Variants in GRB14 observed in about 807,000 individuals in gnomAD.
GRB14 encodes the protein growth factor receptor bound protein 14, also known as growth factor receptor-bound protein 14.
GRB14 carries 38 observed loss-of-function variants against 69.1 expected under a neutral mutation model. The observed-to-expected ratio is 0.55, with a 90% CI of 0.42 to 0.72. GRB14 has a LOEUF of 0.72. Among genes scored for constraint, GRB14 ranks in the 30% least tolerant of loss-of-function variants. GRB14 has a pLI of 0.00. For missense variants in GRB14, 666 were observed against 666.1 expected, an observed-to-expected ratio of 1.00 and a Z score of 0.00; for synonymous variants, 247 against 241.3, an observed-to-expected ratio of 1.02 and a Z score of -0.22.
chr2:164,539,245 C>A (rs1471502754), intron 3 of GRB14, among the ~76,000 whole-genome samples: 1 of 152,082 alleles, frequency 6.6e-6, no homozygotes, highest in African/African-American at 2.4e-5. Context: ...GAGGCCAAGG[C>A]AGATGGATCA....
intron 2 of GRB14, among the ~76,000 whole-genome samples, chr2:164,548,037 C>A (rs930506061): frequency 6.6e-6 from 1 of 152,168 alleles, no homozygotes; most frequent in Admixed American, 6.5e-5. Flanking sequence ...ACTCATTTCT[C>A]AAAATTCCAA....
chr2:164,607,527 A>C (rs1379933518), intron 2 of GRB14, among the ~76,000 whole-genome samples: 1 of 152,222 alleles, frequency 6.6e-6, no homozygotes, highest in Non-Finnish European at 1.5e-5. Context: ...AAGAGGAAGC[A>C]CACAGGTGGT....
intron 2 of GRB14, among the ~76,000 whole-genome samples, chr2:164,553,241 G>A (rs1688591097): frequency 1.3e-5 from 2 of 152,112 alleles, no homozygotes; most frequent in South Asian, 4.1e-4. Context: ...GGTAAAGTTG[G>A]ATAAAATGAG....
chr2:164,533,442 G>C (rs1248722740), intron 3 of GRB14, among the ~76,000 whole-genome samples: 1 of 151,556 alleles, frequency 6.6e-6, no homozygotes, highest in Admixed American at 6.6e-5. Context: ...CCATGGTCTT[G>C]ATCTCTTGAC....
At position 164,524,855 on chromosome 2, in the gene GRB14, G is replaced by GC. The variant is rs1252486803; in HGVS notation, c.678+148dup. 5.7e-6 allele frequency: 3 copies of GC among 529,788 alleles called. No homozygotes were observed. In the African/African-American group the frequency reaches 6.1e-5, roughly 11 times the overall value. 32.8% of individuals were successfully genotyped at this position (529,788 alleles called of 1,614,324 possible). A position where few individuals can be genotyped will look rare whatever the true frequency, so the allele number is the denominator to read the frequency against. On this transcript the variant is annotated intron_variant, in intron 5 of 13. Coordinates refer to ENST00000263915, the MANE Select transcript of GRB14 (RefSeq NM_004490.3). ...GATTTAGGACATTCTTTGCCTGGGT[G>GC]CATTTTTTTTTTAGTTTTACCTCCA...
At chr2:164,529,809 C>T (rs1268232538) in intron 3 of GRB14, among the ~76,000 whole-genome samples, 4 of 152,168 alleles carry the variant, frequency 2.6e-5, no homozygotes, top group Non-Finnish European at 4.4e-5. Flanking sequence ...TGAATGTGAA[C>T]CCTGCCCAAA....
intron 2 of GRB14, among the ~76,000 whole-genome samples, chr2:164,554,160 C>A (rs1370792280): frequency 1.3e-5 from 2 of 152,020 alleles, no homozygotes; most frequent in Non-Finnish European, 2.9e-5. Context: ...AATAGCAGAG[C>A]TGTTCTTAAG....
At chr2:164,565,958 T>C (rs570578432) in intron 2 of GRB14, among the ~76,000 whole-genome samples, 5 of 152,302 alleles carry the variant, frequency 3.3e-5, no homozygotes, top group East Asian at 1.9e-4. Context: ...CACTACCTGA[T>C]AAGAAAATTA....
chr2:164,592,075 G>T (rs561359850), intron 2 of GRB14, among the ~76,000 whole-genome samples: 14 of 152,178 alleles, frequency 9.2e-5, no homozygotes, highest in African/African-American at 3.1e-4. Flanking sequence ...CCACGTGGAA[G>T]TGTGAATCTA....
At chr2:164,523,772 G>C (rs1250170391) in intron 5 of GRB14, among the ~76,000 whole-genome samples, 2 of 151,996 alleles carry the variant, frequency 1.3e-5, no homozygotes, top group Non-Finnish European at 2.9e-5. Context: ...AGAGGTCAGG[G>C]GCACATGCAG....
In GRB14 at chr2:164,606,652, C is replaced by T. The variant is rs1335178421; in HGVS notation, c.324+13035G>A. Among the ~76,000 whole-genome samples, 11 of 152,254 alleles carry T rather than the reference C, an allele frequency of 7.2e-5. No homozygotes were observed. In the East Asian group the frequency reaches 2.1e-3, roughly 29 times the overall value. Reference sequence around the variant, plus strand: ...CCTAAATGAGGTCATTAAAACAAAACATCAAGTTCCCAGTGCCCTAAGATT... The same window carrying T: ...CCTAAATGAGGTCATTAAAACAAAATATCAAGTTCCCAGTGCCCTAAGATT... On this transcript the variant is annotated intron_variant, in intron 2 of 13. Coordinates refer to ENST00000263915, the MANE Select transcript of GRB14 (RefSeq NM_004490.3).
chr2:164,610,441 C>T (rs901828417), intron 2 of GRB14, among the ~76,000 whole-genome samples: 6 of 151,864 alleles, frequency 4.0e-5, no homozygotes, highest in Non-Finnish European at 4.4e-5. Flanking sequence ...AATTTTCATA[C>T]GTGTTAAATG....
intron 1 of GRB14, 164 bp from the exon 2 acceptor site, chr2:164,619,983 A>C: frequency 1.9e-6 from 1 of 524,182 alleles, no homozygotes; most frequent in Non-Finnish European, 3.4e-6. Context: ...TCTATGGGTC[A>C]AAATACAGTA....
intron 2 of GRB14, among the ~76,000 whole-genome samples, chr2:164,602,921 A>G (rs1386107569): frequency 2.0e-5 from 3 of 152,200 alleles, no homozygotes; most frequent in Admixed American, 1.3e-4. Flanking sequence ...AGGAAAAGAG[A>G]TATGCAGGAA....
At chr2:164,505,435 C>G (rs909721480) in intron 8 of GRB14, among the ~76,000 whole-genome samples, 1 of 152,060 alleles carries the variant, frequency 6.6e-6, no homozygotes, top group Admixed American at 6.6e-5. Flanking sequence ...TGTCATTGCC[C>G]GAAACCTTTG....
chr2:164,552,896 A>T lies in GRB14; in HGVS notation c.325-5080T>A, dbSNP rs569308762. Among the ~76,000 whole-genome samples the T allele has an allele frequency of 1.6e-4, 24 of 152,298 alleles. No homozygotes were observed. The South Asian group carries it at 4.8e-3, about 30-fold the overall frequency. On this transcript the variant is annotated intron_variant, in intron 2 of 13. Coordinates refer to ENST00000263915, the MANE Select transcript of GRB14 (RefSeq NM_004490.3). ...TGCTTCTGCCAAAGATGATGTGAAG[A>T]TGACCACTCCTGAGAGAACAAGAGG...
chr2:164,543,517 T>A (rs1688290449), intron 3 of GRB14, among the ~76,000 whole-genome samples: 1 of 152,184 alleles, frequency 6.6e-6, no homozygotes, highest in Non-Finnish European at 1.5e-5. Flanking sequence ...AATTCATCAT[T>A]TTGGACAAAA....
At chr2:164,541,732 C>T (rs1559042443) in intron 3 of GRB14, among the ~76,000 whole-genome samples, 1 of 151,444 alleles carries the variant, frequency 6.6e-6, no homozygotes, top group Non-Finnish European at 1.5e-5. Context: ...AACACACACA[C>T]ATATATATAT....
At chr2:164,586,401 C>G (rs1329877401) in intron 2 of GRB14, among the ~76,000 whole-genome samples, 1 of 152,132 alleles carries the variant, frequency 6.6e-6, no homozygotes, top group African/African-American at 2.4e-5. Context: ...ATGATGAGAG[C>G]TGTTCTTCTG....
Sources: gnomAD v4.1 joint callset for allele counts (sites outside exome capture counted in the v4.1 genomes callset) on GRCh38, gnomAD v4.1.1 for gene constraint, MANE v1.5 for transcripts, NCBI Gene and HGNC (gene_info 2026-07-23, HGNC 2026-07-21) for gene names.